SLC37A3: variants seen among roughly 807,000 people sequenced by gnomAD.
The protein encoded by SLC37A3 is solute carrier family 37 member 3.
In SLC37A3, 51 loss-of-function variants were observed where a neutral mutation model predicts 67.1. The ratio of observed to expected loss-of-function variants is 0.76; its 90% CI spans 0.61 to 0.96. The LOEUF is 0.96. SLC37A3 is among the 40% of genes least tolerant of loss of function. SLC37A3 has a pLI of 0.00. For missense variants in SLC37A3, 508 were observed against 603.0 expected (o/e 0.84, Z 1.65); for synonymous variants, 214 against 231.4 (o/e 0.92, Z 0.68).
Position 140,369,672 on chromosome 7 carries a change from C to T in SLC37A3, c.209G>A (p.Ser70Asn). 6.2e-7 allele frequency: 1 copy of T among 1,613,722 alleles called. No individual in the cohort carries two copies. Among genetic ancestry groups the T allele is most frequent in the African/African-American group, 1.3e-5 (1 of 75,030 alleles). Residue 70 changes from serine to asparagine, a missense_variant, in exon 4 of 15, where the codon AGC (serine) becomes AAC (asparagine). By Grantham distance (46) the Ser-to-Asn change is conservative. Transcript: ENST00000326232. ...SVELPVEIWS[S>N]NHLFPSAEKA... ...CTCTGCACTGGGGAACAAATGGTTG[C>T]TGCTCCAGATCTACAGTAAGACAGC...
At chr7:140,345,287 C>T in intron 11 of SLC37A3, 24 bp from the exon 12 acceptor site, 1 of 1,610,728 alleles carries the variant, frequency 6.2e-7, no homozygotes, top group Non-Finnish European at 8.5e-7. Context: ...CACAGACAAA[C>T]CATGGTGGCT....
At chr7:140,357,042 A>T (rs112909620) in intron 6 of SLC37A3, among the ~76,000 whole-genome samples, 4 of 151,754 alleles carry the variant, frequency 2.6e-5, no homozygotes, top group Non-Finnish European at 5.9e-5. Context: ...GAGAAACCCC[A>T]TCTCCACTAA....
intron 11 of SLC37A3, 79 bp from the exon 12 acceptor site, chr7:140,345,342 C>G (rs1416552194): frequency 9.2e-7 from 1 of 1,089,208 alleles, no homozygotes; most frequent in Non-Finnish European, 1.4e-6. Flanking sequence ...ACGCGAAGAT[C>G]TGAATCTCCG....
intron 5 of SLC37A3, among the ~76,000 whole-genome samples, chr7:140,364,112 G>A (rs181518640): frequency 6.6e-6 from 1 of 152,242 alleles, no homozygotes; most frequent in African/African-American, 2.4e-5. Flanking sequence ...TCACCCAGGC[G>A]TGGTGAGCTG....
rs114339532 is a variant in SLC37A3, at chr7:140,351,647, T to C, written c.704-196A>G. On this transcript the variant is annotated intron_variant, in intron 8 of 14. Coordinates refer to ENST00000326232, the MANE Select transcript of SLC37A3 (RefSeq NM_207113.3). ...TAAAAATACTCAAAAGATAGAAGAA[T>C]TGTACATCTGTTTGCTTCTGTGGTT... The C allele has an allele frequency of 4.2e-4, 251 of 593,664 alleles. 4 individuals carry two copies. The highest frequency in any genetic ancestry group is 3.9e-3 in the African/African-American group (210 of 53,728). The allele number at this position is 593,664 out of a possible 1,614,324, so 36.8% of individuals were successfully genotyped here. A position where few individuals can be genotyped will look rare whatever the true frequency, so the allele number is the denominator to read the frequency against.
At position 140,335,159 on chromosome 7, in the gene SLC37A3, T is replaced by A; in HGVS notation, c.*253A>T. The A allele has an allele frequency of 1.4e-6, 2 of 1,471,730 alleles. No individual in the cohort carries two copies. The highest frequency in any genetic ancestry group is 1.9e-4 in the Middle Eastern group (1 of 5,216). 91.2% of individuals were successfully genotyped at this position (1,471,730 alleles called of 1,614,324 possible). ...CGCGGGCAGAGTCAGAGGTCAAAGA[T>A]GCTGGCAGAGTCAGAAGTCACTCGG... On this transcript the variant is annotated 3_prime_UTR_variant, in exon 15 of 15. Coordinates refer to ENST00000326232, the MANE Select transcript of SLC37A3 (RefSeq NM_207113.3).
At chr7:140,361,530 CCTCCCT>C (rs1267479780) in intron 5 of SLC37A3, among the ~76,000 whole-genome samples, 2,086 of 105,582 alleles carry the variant, frequency 0.02, 297 homozygotes, top group African/African-American at 0.075. Context: ...TCCCCCTCCC[CCTCCCT>C]CTCTCCCTCT....
intron 2 of SLC37A3, among the ~76,000 whole-genome samples, chr7:140,380,696 C>T (rs4725689): frequency 6.6e-6 from 1 of 152,024 alleles, no homozygotes; most frequent in Non-Finnish European, 1.5e-5. Flanking sequence ...GGCACTCTAC[C>T]ACGCCCAGTG....
intron 1 of SLC37A3, among the ~76,000 whole-genome samples, chr7:140,393,187 G>C (rs1798788643): frequency 6.6e-6 from 1 of 151,920 alleles, no homozygotes; most frequent in Non-Finnish European, 1.5e-5. Flanking sequence ...TTTCCTTCAG[G>C]GGCACAATCT....
intron 4 of SLC37A3, among the ~76,000 whole-genome samples, chr7:140,365,919 CTTTTTTTTTTTTTTTTTTT>C (rs71170981): frequency 9.8e-4 from 43 of 43,906 alleles, no homozygotes; most frequent in African/African-American, 3.4e-3. Flanking sequence ...ACAATACATG[CTTTTTTTTTTTTTTTTTTT>C]TTTTTTTTTT....
rs118128721 is a variant in SLC37A3, at chr7:140,376,715, G to A, written c.198+3567C>T. ...ATGCATGAAGTTCTTTGCATAAGGC[G>A]AGCAGAACACGTTTATGTGGGAATC... On this transcript the variant is annotated intron_variant, in intron 3 of 14. Transcript: ENST00000326232. Among the ~76,000 whole-genome samples the A allele has an allele frequency of 1.8e-3, 277 of 152,266 alleles. 2 individuals are homozygous for A. Among genetic ancestry groups the A allele is most frequent in the South Asian group, 0.017 (81 of 4,828 alleles).
intron 9 of SLC37A3, among the ~76,000 whole-genome samples, chr7:140,350,864 C>T (rs565460181): frequency 6.6e-6 from 1 of 152,222 alleles, no homozygotes; most frequent in Admixed American, 6.5e-5. Flanking sequence ...TATAATACTT[C>T]GAAAGGCCCA....
chr7:140,353,040 G>A (rs535613828), intron 7 of SLC37A3, among the ~76,000 whole-genome samples: 21 of 152,226 alleles, frequency 1.4e-4, no homozygotes, highest in African/African-American at 4.6e-4. Flanking sequence ...TGAAGGGAAT[G>A]AAGGACTTCT....
intron 13 of SLC37A3, among the ~76,000 whole-genome samples, chr7:140,341,541 T>TA (rs1428403871): frequency 1.3e-5 from 2 of 152,046 alleles, no homozygotes; most frequent in Non-Finnish European, 2.9e-5. Context: ...ACAGAGCTGA[T>TA]AGAGGTTAAC....
intron 14 of SLC37A3, among the ~76,000 whole-genome samples, chr7:140,336,611 G>A (rs553285241): frequency 9.2e-5 from 14 of 152,234 alleles, no homozygotes; most frequent in Admixed American, 6.5e-4. Context: ...CTCAAGTGTT[G>A]CTTGGTATAC....
At chr7:140,362,248 T>C (rs1797345409) in intron 5 of SLC37A3, among the ~76,000 whole-genome samples, 1 of 140,632 alleles carries the variant, frequency 7.1e-6, no homozygotes, top group African/African-American at 2.6e-5. Flanking sequence ...CGCAACCCTG[T>C]CTGGGAGGTG....
chr7:140,346,780 G>A (rs1466555110), intron 10 of SLC37A3, among the ~76,000 whole-genome samples: 4 of 152,062 alleles, frequency 2.6e-5, no homozygotes, highest in Non-Finnish European at 5.9e-5. Flanking sequence ...TATATTCCCA[G>A]CTACTTGGGA....
intron 1 of SLC37A3, among the ~76,000 whole-genome samples, chr7:140,387,507 C>T (rs189384658): frequency 0.02 from 2,921 of 148,142 alleles, 31 homozygotes; most frequent in Middle Eastern, 0.041. Flanking sequence ...CCCAGCTACT[C>T]GGGAGGTTGA....
chr7:140,387,245 TG>T (rs1214444105), intron 1 of SLC37A3, among the ~76,000 whole-genome samples: 2 of 151,712 alleles, frequency 1.3e-5, no homozygotes, highest in Non-Finnish European at 2.9e-5. Flanking sequence ...CCGAGGCGGG[TG>T]GATTGCTGGA....
Sources: gnomAD v4.1 joint callset for allele counts (sites outside exome capture counted in the v4.1 genomes callset) on GRCh38, gnomAD v4.1.1 for gene constraint, MANE v1.5 for transcripts, NCBI Gene and HGNC (gene_info 2026-07-23, HGNC 2026-07-21) for gene names.